The following MIPOL1 variants were observed in gnomAD, a reference collection of about 807,000 sequenced individuals.
The protein encoded by MIPOL1 is mirror-image polydactyly gene 1 protein.
Under a neutral mutation model 60.9 loss-of-function variants are expected in MIPOL1, and 57 were observed. That is an observed-to-expected ratio of 0.94 (90% CI 0.76 to 1.17). MIPOL1 has a LOEUF of 1.17. Ranked by LOEUF, MIPOL1 falls within the 50% of genes most tolerant of loss-of-function variation. The pLI is 0.00. For missense variants in MIPOL1, 551 were observed against 511.6 expected (o/e 1.08, Z -0.74); for synonymous variants, 179 against 168.8 (o/e 1.06, Z -0.47).
In MIPOL1 at chr14:37,308,080, A is replaced by C; in HGVS notation, c.648A>C (p.Glu216Asp). 2 of 1,611,102 alleles carry C rather than the reference A, an allele frequency of 1.2e-6. No homozygotes were observed. The highest frequency in any genetic ancestry group is 1.7e-5 in the Admixed American group (1 of 59,762). ...LKVLENINPE[E>D]NDMTLQELLN... ...GGCTAGAAAATATTAACCCTGAAGA[A>C]AATGACATGGTAAGCCATTCTCTGA... Residue 216 changes from glutamate to aspartate, a missense_variant, in exon 8 of 13, where the codon GAA (glutamate) becomes GAC (aspartate). Coordinates refer to ENST00000684589, the MANE Select transcript of MIPOL1 (RefSeq NM_001388067.1).
At chr14:37,528,831 C>G (rs569126492) in intron 12 of MIPOL1, among the ~76,000 whole-genome samples, 5 of 151,972 alleles carry the variant, frequency 3.3e-5, no homozygotes, top group African/African-American at 7.3e-5. Flanking sequence ...AGTGTGTGTC[C>G]CATCAAAGAG....
At position 37,308,394 on chromosome 14, in the gene MIPOL1, A is replaced by G; in HGVS notation, c.703A>G (p.Ile235Val). 1.9e-6 allele frequency: 3 copies of G among 1,599,456 alleles called. No homozygotes were observed. The highest frequency in any genetic ancestry group is 2.6e-6 in the Non-Finnish European group (3 of 1,174,690). ...CAGAATAAACAATGCAGACACAGGG[A>G]TAGCTATTCAGAAGAATGGAGCTAT... is the stretch of plus-strand genomic sequence containing the variant. ...LNRINNADTG[I>V]AIQKNGAIIV... The change falls in exon 9 of 13, where the codon ATA becomes GTA. Residue 235 changes from isoleucine (I) to valine (V), a missense_variant. Physicochemically the swap from Ile to Val is conservative, Grantham distance 29. Transcript: ENST00000684589.
intron 10 of MIPOL1, among the ~76,000 whole-genome samples, chr14:37,374,450 G>T (rs888078478): frequency 6.6e-6 from 1 of 152,108 alleles, no homozygotes; most frequent in African/African-American, 2.4e-5. Context: ...TAGTCATGAA[G>T]TCTTTGCCCA....
intron 7 of MIPOL1, among the ~76,000 whole-genome samples, chr14:37,304,575 C>G (rs1027940872): frequency 1.3e-5 from 2 of 151,546 alleles, no homozygotes; most frequent in East Asian, 3.9e-4. Context: ...GAATAAAAGC[C>G]AACAAATAAG....
chr14:37,434,060 G>A (rs779791483), intron 11 of MIPOL1, among the ~76,000 whole-genome samples: 3 of 152,222 alleles, frequency 2.0e-5, no homozygotes, highest in Middle Eastern at 3.4e-3. Context: ...TAATGGGATC[G>A]CTGGATCAAA....
chr14:37,413,150 G>T (rs907910431), intron 10 of MIPOL1, among the ~76,000 whole-genome samples: 2 of 151,988 alleles, frequency 1.3e-5, no homozygotes, highest in African/African-American at 2.4e-5. Context: ...ATCTTTATTT[G>T]TACCATGTAT....
chr14:37,518,568 C>T (rs948902799), intron 12 of MIPOL1, among the ~76,000 whole-genome samples: 8 of 152,090 alleles, frequency 5.3e-5, no homozygotes, highest in Admixed American at 2.6e-4. Context: ...CTCCTGGCTT[C>T]AAGTGTTCCG....
chr14:37,361,610 CTTTTTTTTTTTTTTTTTT>C (rs71127213), intron 9 of MIPOL1, among the ~76,000 whole-genome samples: 3 of 82,548 alleles, frequency 3.6e-5, no homozygotes, highest in Non-Finnish European at 6.7e-5. Context: ...CCCTCTCTCT[CTTTTTTTTTTTTTTTTTT>C]TTTTTTTTTG....
intron 11 of MIPOL1, among the ~76,000 whole-genome samples, chr14:37,440,747 G>T (rs1034976675): frequency 6.6e-6 from 1 of 152,036 alleles, no homozygotes; most frequent in South Asian, 2.1e-4. Flanking sequence ...CGAGTGCAAT[G>T]TAATGATTTC....
intron 11 of MIPOL1, among the ~76,000 whole-genome samples, chr14:37,460,057 T>A (rs2094522213): frequency 6.6e-6 from 1 of 150,826 alleles, no homozygotes; most frequent in African/African-American, 2.4e-5. Context: ...CCAGCCTGGA[T>A]GACAGCAAGA....
intron 1 of MIPOL1, among the ~76,000 whole-genome samples, chr14:37,237,629 G>T (rs906394909): frequency 6.6e-6 from 1 of 152,114 alleles, no homozygotes; most frequent in African/African-American, 2.4e-5. Flanking sequence ...GTTGTTGTTT[G>T]TAGAGGCTGG....
chr14:37,477,163 G>C (rs1467889832), intron 11 of MIPOL1, among the ~76,000 whole-genome samples: 2 of 152,014 alleles, frequency 1.3e-5, no homozygotes, highest in Admixed American at 1.3e-4. Context: ...GCCTCCCAAA[G>C]TGCTAGGATT....
chr14:37,378,822 A>G (rs2092847397), intron 10 of MIPOL1, among the ~76,000 whole-genome samples: 1 of 152,084 alleles, frequency 6.6e-6, no homozygotes, highest in African/African-American at 2.4e-5. Flanking sequence ...TATTGAAACA[A>G]CTGAAAAAGT....
Position 37,547,055 on chromosome 14 carries a change from T to G in MIPOL1, c.*84T>G. On this transcript the variant is annotated 3_prime_UTR_variant, in exon 13 of 13. Transcript: ENST00000684589. The stretch of plus-strand genomic sequence containing the variant: ...CAACACTGTGTAAACACCAAAGCCT[T>G]AACTTAGCAAACAGTTGTTAGAAGT... 1.7e-6 allele frequency: 2 copies of G among 1,161,960 alleles called. No homozygotes were observed. The highest frequency in any genetic ancestry group is 1.9e-5 in the Admixed American group (1 of 51,466). 72.0% of individuals were successfully genotyped at this position (1,161,960 alleles called of 1,614,324 possible).
chr14:37,463,385 A>G (rs1340569986), intron 11 of MIPOL1, among the ~76,000 whole-genome samples: 1 of 152,224 alleles, frequency 6.6e-6, no homozygotes, highest in Non-Finnish European at 1.5e-5. Flanking sequence ...GAGCCAAATT[A>G]TATCAGTACA....
At chr14:37,363,510 C>T (rs2092359502) in intron 9 of MIPOL1, among the ~76,000 whole-genome samples, 1 of 152,136 alleles carries the variant, frequency 6.6e-6, no homozygotes, top group Non-Finnish European at 1.5e-5. Flanking sequence ...GAAGCTTCAT[C>T]CCAGAGGGGC....
At chr14:37,312,466 G>A (rs1377903056) in intron 9 of MIPOL1, among the ~76,000 whole-genome samples, 1 of 152,078 alleles carries the variant, frequency 6.6e-6, no homozygotes, top group Non-Finnish European at 1.5e-5. Flanking sequence ...CTTCTGTATA[G>A]TGCTAGGAGA....
At chr14:37,466,565 ATGCC>A (rs2094600732) in intron 11 of MIPOL1, among the ~76,000 whole-genome samples, 1 of 152,186 alleles carries the variant, frequency 6.6e-6, no homozygotes. Context: ...ACTCTATGCA[ATGCC>A]ATTGATTAGC....
At chr14:37,409,439 A>G (rs2093645180) in intron 10 of MIPOL1, among the ~76,000 whole-genome samples, 1 of 152,204 alleles carries the variant, frequency 6.6e-6, no homozygotes, top group African/African-American at 2.4e-5. Flanking sequence ...CAAAAAAATT[A>G]TTTAGAACTA....
Sources: gnomAD v4.1 joint callset for allele counts (sites outside exome capture counted in the v4.1 genomes callset) on GRCh38, gnomAD v4.1.1 for gene constraint, MANE v1.5 for transcripts, NCBI Gene and HGNC (gene_info 2026-07-23, HGNC 2026-07-21) for gene names.